LOC128092252: variants seen among roughly 807,000 people sequenced by gnomAD.
At chr15:50,654,172 G>A in the LOC128092252 span, among the ~76,000 whole-genome samples, 5 of 152,228 alleles carry the variant, frequency 3.3e-5, no homozygotes, top group South Asian at 4.1e-4. Context: ...ATTATTGGCC[G>A]GGTGCAGTGA....
At chr15:50,679,518 ATATATATATATATATATATATT>A in the LOC128092252 span, among the ~76,000 whole-genome samples, 1,694 of 17,360 alleles carry the variant, frequency 0.098, 87 homozygotes, top group African/African-American at 0.18. Flanking sequence ...TATAATATAT[ATATATATATATATATATATATT>A]TTTTTTTTTT....
the LOC128092252 span, among the ~76,000 whole-genome samples, chr15:50,673,630 C>T: frequency 6.7e-6 from 1 of 149,050 alleles, no homozygotes; most frequent in Non-Finnish European, 1.5e-5. Flanking sequence ...AGAAGTATTC[C>T]CTCGTATATA....
At chr15:50,684,255 CG>C in the LOC128092252 span, among the ~76,000 whole-genome samples, 1 of 151,698 alleles carries the variant, frequency 6.6e-6, no homozygotes, top group African/African-American at 2.4e-5. Context: ...CAGGTTCAAG[CG>C]ATTCTCCTGC....
chr15:50,665,323 G>C, the LOC128092252 span, among the ~76,000 whole-genome samples: 2 of 151,650 alleles, frequency 1.3e-5, no homozygotes, highest in South Asian at 2.1e-4. Context: ...GAACCCGGGA[G>C]GCAGAGATTG....
At chr15:50,656,679 C>A in the LOC128092252 span, among the ~76,000 whole-genome samples, 1 of 151,998 alleles carries the variant, frequency 6.6e-6, no homozygotes, top group African/African-American at 2.4e-5. Context: ...CCTTGAAAAA[C>A]TCTTCAATAT....
the LOC128092252 span, among the ~76,000 whole-genome samples, chr15:50,679,514 ATATATATATAT>A: frequency 1.1e-5 from 1 of 89,554 alleles, no homozygotes; most frequent in East Asian, 2.5e-4. Flanking sequence ...TATATATAAT[ATATATATATAT>A]ATATATATAT....
At chr15:50,655,132 A>T in the LOC128092252 span, among the ~76,000 whole-genome samples, 1 of 101,072 alleles carries the variant, frequency 9.9e-6, no homozygotes. Flanking sequence ...AAAAAAAGTT[A>T]ATTAAAAAAA....
chr15:50,680,794 G>A, the LOC128092252 span, among the ~76,000 whole-genome samples: 2 of 152,080 alleles, frequency 1.3e-5, no homozygotes, highest in Non-Finnish European at 2.9e-5. Context: ...ACATGTCCCT[G>A]AATATCAAAA....
chr15:50,672,123 T>C, the LOC128092252 span, among the ~76,000 whole-genome samples: 1 of 152,120 alleles, frequency 6.6e-6, no homozygotes, highest in African/African-American at 2.4e-5. Context: ...GGCATGATCT[T>C]GGCTCACTGC....
At chr15:50,676,556 C>T in the LOC128092252 span, among the ~76,000 whole-genome samples, 10 of 151,684 alleles carry the variant, frequency 6.6e-5, no homozygotes, top group East Asian at 1.9e-4. Flanking sequence ...TCATCTCTAT[C>T]GTTTAAATTT....
At chr15:50,674,857 C>T in the LOC128092252 span, among the ~76,000 whole-genome samples, 13 of 152,134 alleles carry the variant, frequency 8.5e-5, no homozygotes, top group South Asian at 4.2e-4. Flanking sequence ...ATATATCATC[C>T]CCTCTACTAC....
At chr15:50,660,706 A>G in the LOC128092252 span, among the ~76,000 whole-genome samples, 1 of 152,172 alleles carries the variant, frequency 6.6e-6, no homozygotes, top group Non-Finnish European at 1.5e-5. Context: ...GGTGATGGAA[A>G]ATGTTACTCC....
chr15:50,654,194 C>T, the LOC128092252 span, among the ~76,000 whole-genome samples: 1 of 152,016 alleles, frequency 6.6e-6, no homozygotes, highest in Admixed American at 6.6e-5. Flanking sequence ...TCACACCATC[C>T]CAGCACTTTG....
the LOC128092252 span, among the ~76,000 whole-genome samples, chr15:50,682,555 G>A: frequency 6.8e-5 from 10 of 146,810 alleles, no homozygotes; most frequent in East Asian, 1.8e-3. Context: ...CAGCCTGGGC[G>A]ACAAGAGGGA....
chr15:50,663,028 C>G, the LOC128092252 span: 2 of 1,613,568 alleles, frequency 1.2e-6, no homozygotes, highest in South Asian at 1.1e-5. Context: ...AAAGTGCTTT[C>G]TATCCAGGAT....
At chr15:50,658,641 A>G in the LOC128092252 span, among the ~76,000 whole-genome samples, 3 of 152,242 alleles carry the variant, frequency 2.0e-5, no homozygotes, top group East Asian at 3.9e-4. Context: ...GTGAGAGTAT[A>G]TATTTATATA....
the LOC128092252 span, among the ~76,000 whole-genome samples, chr15:50,677,738 C>CAAAA: frequency 5.8e-3 from 219 of 38,004 alleles, 7 homozygotes; most frequent in African/African-American, 0.017. Flanking sequence ...GACCCCGTAT[C>CAAAA]AAAAAAAAAA....
chr15:50,678,140 C>G, the LOC128092252 span, among the ~76,000 whole-genome samples: 1 of 150,512 alleles, frequency 6.6e-6, no homozygotes, highest in Admixed American at 6.7e-5. Flanking sequence ...ACTCGGGAGG[C>G]TGAGGCAGGA....
the LOC128092252 span, among the ~76,000 whole-genome samples, chr15:50,658,767 T>G: frequency 6.6e-6 from 1 of 152,126 alleles, no homozygotes; most frequent in South Asian, 2.1e-4. Context: ...ACGTATAAAA[T>G]GAAAATTGTA....
Sources: allele counts gnomAD v4.1 joint callset (sites outside exome capture counted in the v4.1 genomes callset), GRCh38; gene constraint gnomAD v4.1.1; transcripts MANE v1.5.